The following RGSL1 variants were observed in gnomAD, a reference collection of about 807,000 sequenced individuals.
The protein encoded by RGSL1 is regulator of G protein signaling like 1.
Under a neutral mutation model 124.7 loss-of-function variants are expected in RGSL1, and 97 were observed. The observed-to-expected ratio is 0.78, with a 90% CI of 0.66 to 0.92. The LOEUF (loss-of-function observed/expected upper bound fraction) is 0.92. Ranked by LOEUF, RGSL1 falls within the 40% of genes least tolerant of loss-of-function variation. RGSL1 has a pLI of 0.00. For missense variants in RGSL1, 1,233 were observed against 1,288.4 expected (o/e 0.96, Z 0.66); for synonymous variants, 424 against 438.1 (o/e 0.97, Z 0.40).
At chr1:182,504,169 C>T (rs534021911) in intron 9 of RGSL1, among the ~76,000 whole-genome samples, 2 of 151,826 alleles carry the variant, frequency 1.3e-5, no homozygotes, top group East Asian at 1.9e-4. Flanking sequence ...TTAGTAGAGA[C>T]GGGGTTTCAC....
intron 6 of RGSL1, among the ~76,000 whole-genome samples, chr1:182,475,754 G>A (rs1654241502): frequency 6.6e-6 from 1 of 152,160 alleles, no homozygotes; most frequent in South Asian, 2.1e-4. Context: ...GGAACAGATT[G>A]ATGTGGCGCA....
chr1:182,551,032 T>G (rs1571717089), intron 17 of RGSL1, 68 bp from the exon 18 acceptor site: 1 of 1,040,062 alleles, frequency 9.6e-7, no homozygotes. Context: ...CTGTTTCCCC[T>G]GTGCTCGGTG....
intron 18 of RGSL1, among the ~76,000 whole-genome samples, chr1:182,551,772 C>T (rs747439864): frequency 3.3e-5 from 5 of 152,010 alleles, no homozygotes; most frequent in Admixed American, 6.6e-5. Flanking sequence ...AGCCATGCAC[C>T]ACATAATGAT....
chr1:182,454,917 G>T (rs577590925), intron 2 of RGSL1, among the ~76,000 whole-genome samples: 68 of 152,194 alleles, frequency 4.5e-4, no homozygotes, highest in South Asian at 6.2e-4. Flanking sequence ...CCCATAAGAT[G>T]GTATATACTA....
chr1:182,469,283 A>G (rs1305989563), intron 4 of RGSL1, among the ~76,000 whole-genome samples: 1 of 152,242 alleles, frequency 6.6e-6, no homozygotes, highest in Non-Finnish European at 1.5e-5. Flanking sequence ...ATTGATATCC[A>G]GAATATATGG....
chr1:182,554,683 C>A lies in RGSL1; in HGVS notation c.3187C>A (p.Pro1063Thr). The change falls in exon 20 of 22, where the codon CCC becomes ACC. Residue 1063 changes from proline (P) to threonine (T), a missense_variant. Pro to Thr is a conservative substitution (Grantham distance 38). Transcript: ENST00000294854. The part of the protein sequence containing the change: ...RLVVSAMQLH[P>T]VQGQKLSYIK... ...CGTGGTATCTGCCATGCAGCTGCATCCCGTCCAGGGGTAGGCATGAGCTGG... is the reference window on the plus strand; with the variant it reads ...CGTGGTATCTGCCATGCAGCTGCATACCGTCCAGGGGTAGGCATGAGCTGG... The A allele has an allele frequency of 3.9e-6, 6 of 1,551,680 alleles. No homozygotes were observed. The South Asian group carries it at 7.1e-5, about 18-fold the overall frequency.
intron 6 of RGSL1, among the ~76,000 whole-genome samples, chr1:182,483,692 A>G (rs933086479): frequency 2.6e-5 from 4 of 151,916 alleles, no homozygotes; most frequent in Non-Finnish European, 5.9e-5. Flanking sequence ...GGTTTGTTAT[A>G]TAGGTATATT....
intron 10 of RGSL1, among the ~76,000 whole-genome samples, chr1:182,522,695 A>T (rs1658437388): frequency 6.6e-6 from 1 of 152,168 alleles, no homozygotes; most frequent in South Asian, 2.1e-4. Flanking sequence ...AATTTCTCCA[A>T]ATATTATGTT....
intron 21 of RGSL1, among the ~76,000 whole-genome samples, chr1:182,558,439 C>T (rs987755992): frequency 2.0e-5 from 3 of 152,192 alleles, no homozygotes; most frequent in Non-Finnish European, 4.4e-5. Context: ...TATTATTTTA[C>T]AAGTCTGTAG....
intron 4 of RGSL1, among the ~76,000 whole-genome samples, chr1:182,462,885 T>C (rs1215935025): frequency 6.6e-6 from 1 of 152,222 alleles, no homozygotes; most frequent in Non-Finnish European, 1.5e-5. Flanking sequence ...ATTTAAATGT[T>C]TCACCAAAAA....
chr1:182,497,197 T>C (rs897669444), intron 9 of RGSL1, among the ~76,000 whole-genome samples: 28 of 151,828 alleles, frequency 1.8e-4, no homozygotes, highest in Admixed American at 5.9e-4. Context: ...CTTCTTGTCC[T>C]TCTTTATGAT....
intron 9 of RGSL1, among the ~76,000 whole-genome samples, chr1:182,511,652 T>C (rs556717169): frequency 2.6e-5 from 4 of 152,344 alleles, no homozygotes; most frequent in Admixed American, 2.6e-4. Flanking sequence ...ACTGTAGCTT[T>C]GTAGTAAATT....
intron 14 of RGSL1, among the ~76,000 whole-genome samples, chr1:182,539,359 C>T (rs1210730883): frequency 6.6e-6 from 1 of 152,060 alleles, no homozygotes; most frequent in Non-Finnish European, 1.5e-5. Context: ...AGTATGGTAA[C>T]CCTAGGGTCA....
At chr1:182,509,921 A>G (rs1184299530) in intron 9 of RGSL1, among the ~76,000 whole-genome samples, 91 of 136,484 alleles carry the variant, frequency 6.7e-4, no homozygotes, top group African/African-American at 2.6e-3. Flanking sequence ...CACTTCTCAG[A>G]CGGGGTGGTT....
chr1:182,464,810 G>C (rs945978408), intron 4 of RGSL1, among the ~76,000 whole-genome samples: 1 of 151,784 alleles, frequency 6.6e-6, no homozygotes, highest in East Asian at 1.9e-4. Context: ...AATGAGTCTT[G>C]ACATGATGGT....
At chr1:182,451,588 T>C in intron 1 of RGSL1, among the ~76,000 whole-genome samples, 1 of 149,170 alleles carries the variant, frequency 6.7e-6, no homozygotes, top group African/African-American at 2.4e-5. Flanking sequence ...TTGGCTTAGC[T>C]TGCAAACAGG....
intron 21 of RGSL1, among the ~76,000 whole-genome samples, chr1:182,559,769 C>G (rs575357250): frequency 6.6e-6 from 1 of 152,254 alleles, no homozygotes; most frequent in South Asian, 2.1e-4. Flanking sequence ...GCCTAAAGGG[C>G]CCTTCCCTTT....
chr1:182,533,672 T>C (rs1659347790), intron 14 of RGSL1, among the ~76,000 whole-genome samples: 1 of 152,216 alleles, frequency 6.6e-6, no homozygotes, highest in Admixed American at 6.5e-5. Context: ...ATCTATAGAA[T>C]GGGAATGAGA....
At chr1:182,486,761 C>T (rs963862565) in intron 6 of RGSL1, among the ~76,000 whole-genome samples, 3 of 152,114 alleles carry the variant, frequency 2.0e-5, no homozygotes, top group African/African-American at 4.8e-5. Flanking sequence ...CTGCAACCTC[C>T]GCCTCCTGGG....
Sources: gnomAD v4.1 joint callset for allele counts (sites outside exome capture counted in the v4.1 genomes callset) on GRCh38, gnomAD v4.1.1 for gene constraint, MANE v1.5 for transcripts, NCBI Gene and HGNC (gene_info 2026-07-23, HGNC 2026-07-21) for gene names.